Variants in EIF2AK3 observed in about 807,000 individuals in gnomAD.
EIF2AK3 encodes the protein eukaryotic translation initiation factor 2 alpha kinase 3.
Under a neutral mutation model 113.5 loss-of-function variants are expected in EIF2AK3, and 50 were observed. That is an observed-to-expected ratio of 0.44 (90% CI 0.35 to 0.56). EIF2AK3 has a LOEUF of 0.56. Ranked by LOEUF, EIF2AK3 falls within the 20% of genes least tolerant of loss-of-function variation. The probability of loss-of-function intolerance (pLI) is 0.00; values close to 1 mark genes in which losing one functional copy is unlikely to be tolerated. For missense variants in EIF2AK3, 1,185 were observed against 1,378.0 expected, an observed-to-expected ratio of 0.86 and a Z score of 2.22; for synonymous variants, 448 against 495.4, an observed-to-expected ratio of 0.90 and a Z score of 1.27.
rs773003685 is a variant in EIF2AK3, at chr2:88,557,815, C to T, written c.3272G>A (p.Arg1091Lys). The T allele has an allele frequency of 3.7e-6, 6 of 1,614,142 alleles. No individual in the cohort carries two copies. The highest frequency in any genetic ancestry group is 4.2e-6 in the Non-Finnish European group (5 of 1,180,006). Reference sequence around the variant, plus strand: ...TCCCGATGAACTCAAGGAGCGAGACCTCTGTCTGAGCACTGTTTTTCCTGG... The same window carrying T: ...TCCCGATGAACTCAAGGAGCGAGACTTCTGTCTGAGCACTGTTTTTCCTGG... The part of the protein sequence containing the change: ...DFPGKTVLRQ[R>K]SRSLSSSGTK... Residue 1091 changes from arginine (R) to lysine (K), a missense_variant, in exon 17 of 17, where the codon AGG (arginine) becomes AAG (lysine). This residue lies in a region of EIF2AK3 where 877 missense variants were observed against 1,024.2 expected (regional missense o/e 0.86). Coordinates refer to ENST00000303236, the MANE Select transcript of EIF2AK3 (RefSeq NM_004836.7).
At chr2:88,597,801 C>T (rs572577518) in intron 2 of EIF2AK3, among the ~76,000 whole-genome samples, 4 of 152,062 alleles carry the variant, frequency 2.6e-5, no homozygotes, top group South Asian at 2.1e-4. Context: ...CACTATAATC[C>T]GAGACACCGT....
chr2:88,597,886 T>C (rs1675057005), intron 2 of EIF2AK3, among the ~76,000 whole-genome samples: 1 of 152,188 alleles, frequency 6.6e-6, no homozygotes, highest in South Asian at 2.1e-4. Context: ...TTTATGTTTA[T>C]ACAGTGGCTG....
intron 2 of EIF2AK3, among the ~76,000 whole-genome samples, chr2:88,605,581 C>T (rs1030328835): frequency 3.3e-5 from 5 of 151,982 alleles, no homozygotes; most frequent in African/African-American, 9.7e-5. Context: ...AAAACTCTAA[C>T]GGATTGAAAG....
In EIF2AK3 at chr2:88,585,821, T is replaced by A. The variant is rs775247141; in HGVS notation, c.1650+20A>T. The A allele has an allele frequency of 6.2e-7, 1 of 1,608,678 alleles. No individual in the cohort carries two copies. Among genetic ancestry groups the A allele is most frequent in the African/African-American group, 1.3e-5 (1 of 74,780 alleles). On this transcript the variant is annotated intron_variant, in intron 9 of 16. Transcript: ENST00000303236. Reference sequence around the variant, plus strand: ...AGGTGGGGAAGTGGAAACCAGACAGTAAGCAACCATGATTCTTACCCTGTG... The same window carrying A: ...AGGTGGGGAAGTGGAAACCAGACAGAAAGCAACCATGATTCTTACCCTGTG...
chr2:88,603,959 G>C (rs566106189), intron 2 of EIF2AK3, among the ~76,000 whole-genome samples: 20 of 151,924 alleles, frequency 1.3e-4, no homozygotes, highest in Non-Finnish European at 2.4e-4. Flanking sequence ...ATCCTCCTTT[G>C]GTCTTGTAAT....
chr2:88,597,843 A>G (rs1040472296), intron 2 of EIF2AK3, among the ~76,000 whole-genome samples: 3 of 152,212 alleles, frequency 2.0e-5, no homozygotes, highest in African/African-American at 7.2e-5. Context: ...CTGTACCTCC[A>G]AGAAATACTT....
At chr2:88,601,811 T>G (rs1285437038) in intron 2 of EIF2AK3, among the ~76,000 whole-genome samples, 1 of 150,960 alleles carries the variant, frequency 6.6e-6, no homozygotes, top group Non-Finnish European at 1.5e-5. Flanking sequence ...TCATTCTTTC[T>G]GCATTTATTA....
At chr2:88,586,517 C>A (rs1473533818) in intron 8 of EIF2AK3, among the ~76,000 whole-genome samples, 2 of 151,838 alleles carry the variant, frequency 1.3e-5, no homozygotes, top group Non-Finnish European at 2.9e-5. Context: ...ATGAGTTTGT[C>A]CCAGAAAAAT....
In EIF2AK3 at chr2:88,590,545, G is replaced by A. The variant is rs1414546855; in HGVS notation, c.1063C>T (p.Leu355Phe). 1.2e-6 allele frequency: 2 copies of A among 1,613,572 alleles called. No individual in the cohort carries two copies. The highest frequency in any genetic ancestry group is 1.7e-6 in the Non-Finnish European group (2 of 1,179,926). ...GATGTATAACTTGTATCATCAAAAA[G>A]ACTGATGGGAATGACTTTCCCATCC... ...LKDGKVIPIS[L>F]FDDTSYTSND... is the part of the protein sequence containing the mutation. The change falls in exon 6 of 17, where the codon CTT becomes TTT. Residue 355 changes from leucine (L) to phenylalanine (F), a missense_variant. Physicochemically the swap from Leu to Phe is conservative, Grantham distance 22. Around this residue, in one of 3 missense-constraint regions of EIF2AK3, gnomAD observed 877 missense variants for 1,024.2 expected, o/e 0.86. Coordinates refer to ENST00000303236, the MANE Select transcript of EIF2AK3 (RefSeq NM_004836.7).
At position 88,593,369 on chromosome 2, in the gene EIF2AK3, A is replaced by G. The variant is rs753157985; in HGVS notation, c.670T>C (p.Trp224Arg). 5.0e-6 allele frequency: 8 copies of G among 1,613,940 alleles called. No individual in the cohort carries two copies. In the East Asian group the frequency reaches 1.6e-4, roughly 31 times the overall value. ...TCTTGTTCCATTTCGTCACTATCCCATTGGCGACAACCCAGAGCTGAACAG... is the reference window on the plus strand; with the variant it reads ...TCTTGTTCCATTTCGTCACTATCCCGTTGGCGACAACCCAGAGCTGAACAG... ...YICSALGCRQWDSDEMEQEED... is the reference protein window; with the variant it reads ...YICSALGCRQRDSDEMEQEED... Residue 224 changes from tryptophan to arginine, a missense_variant, in exon 4 of 17, where the codon TGG becomes CGG. Physicochemically the swap from Trp to Arg is moderately radical, Grantham distance 101. This residue lies in a region of EIF2AK3 where 119 missense variants were observed against 178.7 expected (regional missense o/e 0.67). Transcript: ENST00000303236.
intron 8 of EIF2AK3, among the ~76,000 whole-genome samples, chr2:88,587,723 G>A (rs577825459): frequency 6.6e-6 from 1 of 152,114 alleles, no homozygotes; most frequent in African/African-American, 2.4e-5. Flanking sequence ...TCAATACATA[G>A]ATATTAGGAT....
upstream of EIF2AK3, chr2:88,627,475 T>C (rs144057685): frequency 8.0e-3 from 4,677 of 586,120 alleles, 30 homozygotes; most frequent in Middle Eastern, 9.9e-3. Context: ...ATCTCGGACA[T>C]CGCCCATTGA....
At chr2:88,573,343 TATTC>T (rs1447966015) in intron 13 of EIF2AK3, among the ~76,000 whole-genome samples, 2 of 152,324 alleles carry the variant, frequency 1.3e-5, no homozygotes, top group East Asian at 1.9e-4. Context: ...AGCAGAAGAA[TATTC>T]ATTATTAGTG....
intron 7 of EIF2AK3, 45 bp downstream of exon 7, chr2:88,588,716 T>A (rs761645462): frequency 9.3e-6 from 15 of 1,608,026 alleles, no homozygotes; most frequent in Non-Finnish European, 1.3e-5. Context: ...CAGGATTAGG[T>A]CTCTGAACAC....
chr2:88,574,418 A>G, intron 13 of EIF2AK3: 2 of 557,992 alleles, frequency 3.6e-6, no homozygotes, highest in Non-Finnish European at 6.4e-6. Flanking sequence ...TACTGAGAAT[A>G]CCTTTTACAG....
intron 2 of EIF2AK3, among the ~76,000 whole-genome samples, chr2:88,608,929 T>A (rs1675363504): frequency 6.6e-6 from 1 of 151,066 alleles, no homozygotes; most frequent in Admixed American, 6.6e-5. Flanking sequence ...AGATGGGGTT[T>A]TGCCATGTTG....
chr2:88,606,283 A>C (rs559140371), intron 2 of EIF2AK3, among the ~76,000 whole-genome samples: 1 of 151,080 alleles, frequency 6.6e-6, no homozygotes, highest in African/African-American at 2.5e-5. Context: ...AACAATGTAC[A>C]TGAAGAGTCA....
chr2:88,575,641 C>G, intron 12 of EIF2AK3, 195 bp from the exon 13 acceptor site: 1 of 669,316 alleles, frequency 1.5e-6, no homozygotes, highest in South Asian at 1.8e-5. Flanking sequence ...TTCTAAAAAA[C>G]TTAATTTTAA....
At position 88,574,371 on chromosome 2, in the gene EIF2AK3, TAAAG is replaced by T. The variant is rs1674394894; in HGVS notation, c.2817+291_2817+294del. 18 of 438,738 alleles carry T rather than the reference TAAAG, an allele frequency of 4.1e-5. No individual in the cohort carries two copies. The South Asian group carries it at 4.4e-4, about 11-fold the overall frequency. The allele number at this position is 438,738 out of a possible 1,614,324, so 27.2% of individuals were successfully genotyped here. A position where few individuals can be genotyped will look rare whatever the true frequency, so the allele number is the denominator to read the frequency against. On this transcript the variant is annotated intron_variant, in intron 13 of 16. Transcript: ENST00000303236. ...ATATCTGCTCATGGTGGATTTTACCTAAAGATTCTTTTTTCTTTTTTTTCCCTCA... is the reference window on the plus strand; with the variant it reads ...ATATCTGCTCATGGTGGATTTTACCTATTCTTTTTTCTTTTTTTTCCCTCA...
Sources: allele counts gnomAD v4.1 joint callset (sites outside exome capture counted in the v4.1 genomes callset), GRCh38; gene constraint gnomAD v4.1.1; regional missense constraint gnomAD v4.1.1; transcripts MANE v1.5; gene names NCBI Gene and HGNC (gene_info 2026-07-23, HGNC 2026-07-21).